Variants in UCKL1 observed in about 807,000 individuals in gnomAD.
UCKL1 encodes uridine-cytidine kinase-like 1.
A neutral mutation model predicts 59.2 loss-of-function variants in UCKL1; 65 were observed. The observed-to-expected ratio is 1.10, with a 90% CI of 0.90 to 1.35. The LOEUF (loss-of-function observed/expected upper bound fraction) is 1.35. Ranked by LOEUF, UCKL1 falls within the 40% of genes most tolerant of loss-of-function variation. The pLI, the probability that UCKL1 is intolerant of heterozygous loss-of-function variation, is 0.00. For synonymous variants in UCKL1, 410 were observed against 323.1 expected (o/e 1.27, Z -2.88); for missense variants, 703 against 784.3 (o/e 0.90, Z 1.24).
At chr20:63,949,688 C>T (rs2057288518) in intron 1 of UCKL1, among the ~76,000 whole-genome samples, 1 of 152,226 alleles carries the variant, frequency 6.6e-6, no homozygotes, top group Non-Finnish European at 1.5e-5. Context: ...CAGGCGGCCC[C>T]TCCCCTCTAT....
Position 63,945,940 on chromosome 20 carries a change from G to T in UCKL1, c.447C>A (p.His149Gln). The change falls in exon 4 of 15, where the codon CAC becomes CAA. Residue 149 changes from histidine (H) to glutamine (Q), a missense_variant. Around this residue, in one of 4 missense-constraint regions of UCKL1, gnomAD observed 398 missense variants for 373.0 expected, o/e 1.07. Transcript: ENST00000354216. The part of the protein sequence containing the change: ...LTEQQQEQAA[H>Q]NNFNFDHPDA... ...CTGGGTGGTCGAAGTTGAAGTTGTTGTGTGCGGCCTGTTCCTGCTGCTGCT... is the reference window on the plus strand; with the variant it reads ...CTGGGTGGTCGAAGTTGAAGTTGTTTTGTGCGGCCTGTTCCTGCTGCTGCT... The T allele has an allele frequency of 6.2e-7, 1 of 1,613,832 alleles. No homozygotes were observed. The highest frequency in any genetic ancestry group is 8.5e-7 in the Non-Finnish European group (1 of 1,179,986).
intron 1 of UCKL1, chr20:63,951,214 T>C: frequency 2.0e-6 from 2 of 1,000,128 alleles, no homozygotes; most frequent in Non-Finnish European, 2.4e-6. Flanking sequence ...ATGCCTGATA[T>C]TAATAGCGCT....
In UCKL1 at chr20:63,944,446, G is replaced by A. The variant is rs375713810; in HGVS notation, c.857C>T (p.Thr286Met). 133 of 1,578,422 alleles carry A rather than the reference G, an allele frequency of 8.4e-5. No individual in the cohort carries two copies. Among genetic ancestry groups the A allele is most frequent in the African/African-American group, 5.4e-5 (4 of 74,388 alleles). Residue 286 changes from threonine (T) to methionine (M), a missense_variant, in exon 7 of 15, where the codon ACG (threonine) becomes ATG (methionine). By Grantham distance (81) the Thr-to-Met change is moderately conservative. Transcript: ENST00000354216. ...DIVVPRGSGN[T>M]VAIDLIVQHV... The stretch of plus-strand genomic sequence containing the variant: ...CTGCACAATCAGGTCGATGGCCACC[G>A]TGTTGCCGCTCCCTGGGGCGGGATG...
intron 8 of UCKL1, among the ~76,000 whole-genome samples, chr20:63,943,051 G>C (rs2055071822): frequency 1.3e-5 from 2 of 152,232 alleles, no homozygotes; most frequent in East Asian, 1.9e-4. Flanking sequence ...GGTCCCTTGT[G>C]GCTGACCCCC....
chr20:63,943,325 G>A (rs568950393), intron 8 of UCKL1, among the ~76,000 whole-genome samples: 4 of 152,232 alleles, frequency 2.6e-5, no homozygotes, highest in Non-Finnish European at 5.9e-5. Context: ...CTGCCCCAGA[G>A]GCCTGGCAGT....
intron 1 of UCKL1, among the ~76,000 whole-genome samples, chr20:63,949,277 A>AC (rs2057198835): frequency 6.6e-6 from 1 of 152,062 alleles, no homozygotes; most frequent in Non-Finnish European, 1.5e-5. Flanking sequence ...CGCCAAGACG[A>AC]CCAGGCGAGG....
intron 1 of UCKL1, 27 bp from the exon 2 acceptor site, chr20:63,946,670 G>GTA: frequency 1.9e-6 from 3 of 1,596,448 alleles, no homozygotes; most frequent in Non-Finnish European, 2.6e-6. Flanking sequence ...ACTCGGATGT[G>GTA]GCCCAGAGCT....
intron 7 of UCKL1, 106 bp from the exon 8 acceptor site, chr20:63,943,775 G>GGGACACAGC: frequency 6.5e-7 from 1 of 1,538,142 alleles, no homozygotes; most frequent in South Asian, 1.1e-5. Context: ...CAGGCCCGCG[G>GGGACACAGC]GGACACAGCC....
At chr20:63,942,529 G>A (rs2054867883) in intron 8 of UCKL1, 3 of 1,136,968 alleles carry the variant, frequency 2.6e-6, no homozygotes, top group African/African-American at 3.3e-5. Context: ...GAGGGAACAA[G>A]GCAGGAAACG....
At position 63,956,145 on chromosome 20, in the gene UCKL1, G is replaced by C. The variant is rs1050606573; in HGVS notation, c.113+115C>G. ...TGGGAGAACGGGGCGCCGCCGCCTG[G>C]CCTCCGGGAGTGGGGGACTTGGGCT... is the stretch of plus-strand genomic sequence containing the variant. On this transcript the variant is annotated intron_variant, in intron 1 of 14. Transcript: ENST00000354216. 1.7e-5 allele frequency: 17 copies of C among 1,020,298 alleles called. No homozygotes were observed. In the East Asian group the frequency reaches 5.3e-4, roughly 32 times the overall value. The allele number at this position is 1,020,298 out of a possible 1,614,324, so 63.2% of individuals were successfully genotyped here.
At chr20:63,942,619 G>A in intron 8 of UCKL1, 1 of 626,328 alleles carries the variant, frequency 1.6e-6, no homozygotes, top group Non-Finnish European at 2.6e-6. Context: ...GGCCTGAGGA[G>A]GAGTGTGGGC....
At chr20:63,947,449 G>T (rs1337594909) in intron 1 of UCKL1, among the ~76,000 whole-genome samples, 1 of 152,204 alleles carries the variant, frequency 6.6e-6, no homozygotes, top group African/African-American at 2.4e-5. Context: ...GTGGAGGCGA[G>T]ACCAGACCAG....
intron 5 of UCKL1, among the ~76,000 whole-genome samples, chr20:63,945,080 T>A (rs888597356): frequency 6.6e-6 from 1 of 152,200 alleles, no homozygotes; most frequent in Non-Finnish European, 1.5e-5. Context: ...GTGATCTCCT[T>A]ACTTTGCTTG....
chr20:63,953,320 T>G (rs1254508638), intron 1 of UCKL1: 1 of 142,660 alleles, frequency 7.0e-6, no homozygotes, highest in Non-Finnish European at 1.5e-5. Context: ...CAGAGGTTGC[T>G]GTGAGCTGAG....
rs2055319412 is a variant in UCKL1, at chr20:63,943,684, C to T, written c.907-15G>A. The T allele has an allele frequency of 2.5e-6, 4 of 1,612,526 alleles. No homozygotes were observed. Among genetic ancestry groups the T allele is most frequent in the African/African-American group, 1.3e-5 (1 of 74,950 alleles). On this transcript the variant is annotated splice_polypyrimidine_tract_variant and intron_variant, in intron 7 of 14. Transcript: ENST00000354216. ...CTGAGTTCACGCTGTGGCAGCAACA[C>T]AGGAAGACACAAGGGAACGGTGGCG... is the stretch of plus-strand genomic sequence containing the variant.
chr20:63,940,127 C>T (rs762565484), intron 14 of UCKL1, 23 bp downstream of exon 14: 44 of 1,612,110 alleles, frequency 2.7e-5, no homozygotes, highest in Non-Finnish European at 3.6e-5. Context: ...TCATGTGCGG[C>T]TGAAGGGCCC....
At chr20:63,941,463 CTG>C (rs2054385181) in intron 8 of UCKL1, 2 of 546,522 alleles carry the variant, frequency 3.7e-6, no homozygotes, top group Non-Finnish European at 6.8e-6. Flanking sequence ...GCGGGGTAGG[CTG>C]TGAGGGCCCC....
chr20:63,952,750 C>T (rs1331165662), intron 1 of UCKL1, among the ~76,000 whole-genome samples: 1 of 152,234 alleles, frequency 6.6e-6, no homozygotes, highest in Non-Finnish European at 1.5e-5. Flanking sequence ...TTCAGGGCAC[C>T]CCTTGCCCTT....
At chr20:63,942,469 C>G in intron 8 of UCKL1, 1 of 1,176,728 alleles carries the variant, frequency 8.5e-7, no homozygotes, top group Non-Finnish European at 1.1e-6. Flanking sequence ...ACACTGCTCA[C>G]ATATCCCAAC....
Sources: allele counts gnomAD v4.1 joint callset (sites outside exome capture counted in the v4.1 genomes callset), GRCh38; gene constraint gnomAD v4.1.1; regional missense constraint gnomAD v4.1.1; transcripts MANE v1.5; gene names NCBI Gene and HGNC (gene_info 2026-07-23, HGNC 2026-07-21).